CDH4: variants seen among roughly 807,000 people sequenced by gnomAD.
CDH4 encodes cadherin 4, also known as cadherin-4.
CDH4 carries 33 observed loss-of-function variants against 86.0 expected under a neutral mutation model. The ratio of observed to expected loss-of-function variants is 0.38; its 90% CI spans 0.29 to 0.51. The LOEUF (loss-of-function observed/expected upper bound fraction) is 0.51, where lower values mean the gene tolerates loss of function less well. Among genes scored for constraint, CDH4 ranks in the 20% least tolerant of loss-of-function variants. The probability of loss-of-function intolerance (pLI) is 0.86; values close to 1 mark genes in which losing one functional copy is unlikely to be tolerated. For synonymous variants in CDH4, 555 were observed against 549.4 expected, an observed-to-expected ratio of 1.01 and a Z score of -0.14; for missense variants, 1,114 against 1,307.4, an observed-to-expected ratio of 0.85 and a Z score of 2.28.
At chr20:61,837,960 A>T (rs889449084) in intron 4 of CDH4, among the ~76,000 whole-genome samples, 4 of 151,482 alleles carry the variant, frequency 2.6e-5, no homozygotes, top group African/African-American at 9.7e-5. Context: ...CCTCGTGCAG[A>T]GGCTCCCACA....
chr20:61,543,600 G>A (rs888212761), intron 2 of CDH4, among the ~76,000 whole-genome samples: 1 of 152,146 alleles, frequency 6.6e-6, no homozygotes, highest in Admixed American at 6.5e-5. Flanking sequence ...AATAATAATA[G>A]CAACAAAGCT....
chr20:61,610,438 C>A (rs1432688793), intron 2 of CDH4, among the ~76,000 whole-genome samples: 1 of 152,214 alleles, frequency 6.6e-6, no homozygotes, highest in African/African-American at 2.4e-5. Context: ...TTAGCTATTA[C>A]AAATGCAGCT....
At chr20:61,624,813 G>T (rs1228470781) in intron 2 of CDH4, among the ~76,000 whole-genome samples, 1 of 152,200 alleles carries the variant, frequency 6.6e-6, no homozygotes, top group Non-Finnish European at 1.5e-5. Flanking sequence ...GCTCTAGGGA[G>T]CCGACGCTGG....
intron 4 of CDH4, among the ~76,000 whole-genome samples, chr20:61,808,025 C>G (rs572065388): frequency 6.6e-6 from 1 of 152,302 alleles, no homozygotes; most frequent in Non-Finnish European, 1.5e-5. Context: ...TAATCCAGCT[C>G]CTGGGAATCC....
chr20:61,674,401 AG>A (rs1429444693), intron 2 of CDH4, among the ~76,000 whole-genome samples: 2 of 152,324 alleles, frequency 1.3e-5, no homozygotes, highest in East Asian at 3.9e-4. Flanking sequence ...GGCATTAACT[AG>A]AAGGCTGGGA....
rs755960284 is a variant in CDH4, at chr20:61,377,832, C to T, written c.169+122895C>T. ...GTCCTTAGAAGGCTGGAGGCCTGTC[C>T]TCTGTAGCAGAAGGGAGATCAATGC... On this transcript the variant is annotated intron_variant, in intron 2 of 15. Coordinates refer to ENST00000614565, the MANE Select transcript of CDH4 (RefSeq NM_001794.5). This position sits in a 1 kb window ranked among gnomAD's most constrained non-coding sequence, Gnocchi z 4.0. Among the ~76,000 whole-genome samples the T allele has an allele frequency of 1.3e-5, 2 of 152,238 alleles. No homozygotes were observed. Among genetic ancestry groups the T allele is most frequent in the Non-Finnish European group, 2.9e-5 (2 of 68,054 alleles).
chr20:61,606,399 C>T (rs2086645874), intron 2 of CDH4, among the ~76,000 whole-genome samples: 1 of 152,216 alleles, frequency 6.6e-6, no homozygotes, highest in Non-Finnish European at 1.5e-5. Flanking sequence ...CAGAGTCACA[C>T]AGCAGGTCAA....
intron 6 of CDH4, among the ~76,000 whole-genome samples, chr20:61,863,657 A>G (rs1983424155): frequency 6.6e-6 from 1 of 152,174 alleles, no homozygotes; most frequent in Non-Finnish European, 1.5e-5. Flanking sequence ...ACGGGGATCC[A>G]GGTTCCCACT....
intron 2 of CDH4, among the ~76,000 whole-genome samples, chr20:61,692,890 A>T (rs1444153027): frequency 6.7e-6 from 1 of 149,170 alleles, no homozygotes; most frequent in Non-Finnish European, 1.5e-5. Flanking sequence ...GCCCGTGTGG[A>T]TATTGGTCAA....
chr20:61,542,206 C>T (rs1422486953), intron 2 of CDH4, among the ~76,000 whole-genome samples: 1 of 152,144 alleles, frequency 6.6e-6, no homozygotes, highest in Non-Finnish European at 1.5e-5. Context: ...AAACCCACCC[C>T]ATCCTGACTG....
chr20:61,770,235 G>A (rs4925279), intron 3 of CDH4, among the ~76,000 whole-genome samples: 1 of 152,206 alleles, frequency 6.6e-6, no homozygotes, highest in Non-Finnish European at 1.5e-5. Context: ...TCTAAGGAAG[G>A]CTGGGAGCGC....
At chr20:61,546,915 A>G (rs906608863) in intron 2 of CDH4, among the ~76,000 whole-genome samples, 1 of 152,148 alleles carries the variant, frequency 6.6e-6, no homozygotes, top group African/African-American at 2.4e-5. Flanking sequence ...GGAGGCAGGC[A>G]TCTCTTCTTC....
chr20:61,809,548 A>G (rs188154753), intron 4 of CDH4, among the ~76,000 whole-genome samples: 1 of 152,336 alleles, frequency 6.6e-6, no homozygotes, highest in Non-Finnish European at 1.5e-5. Flanking sequence ...CACGGGACTA[A>G]TGAGTGTTCA....
intron 2 of CDH4, among the ~76,000 whole-genome samples, chr20:61,619,672 T>C (rs1409376341): frequency 6.6e-6 from 1 of 152,138 alleles, no homozygotes; most frequent in African/African-American, 2.4e-5. Context: ...CAGCATTCAA[T>C]TTGGGGTGGT....
intron 3 of CDH4, among the ~76,000 whole-genome samples, chr20:61,745,593 G>A (rs780955352): frequency 2.0e-5 from 3 of 151,400 alleles, no homozygotes; most frequent in Non-Finnish European, 4.4e-5. Flanking sequence ...GAGTCCTGAC[G>A]AGTCTAGGAC....
At chr20:61,445,471 T>A (rs1600687184) in intron 2 of CDH4, among the ~76,000 whole-genome samples, 1 of 151,852 alleles carries the variant, frequency 6.6e-6, no homozygotes, top group Non-Finnish European at 1.5e-5. Flanking sequence ...GGCATGGGAG[T>A]GCAGATGATA....
chr20:61,617,437 C>T (rs2086734219), intron 2 of CDH4, among the ~76,000 whole-genome samples: 1 of 152,214 alleles, frequency 6.6e-6, no homozygotes, highest in Admixed American at 6.5e-5. Flanking sequence ...GACAGCCATC[C>T]CACAGGCTGG....
At chr20:61,803,034 C>T (rs1979915347) in intron 4 of CDH4, among the ~76,000 whole-genome samples, 1 of 152,232 alleles carries the variant, frequency 6.6e-6, no homozygotes, top group African/African-American at 2.4e-5. Context: ...GATTTACCAA[C>T]AGGTCTGGAC....
intron 2 of CDH4, among the ~76,000 whole-genome samples, chr20:61,301,343 G>A (rs927751881): frequency 2.0e-5 from 3 of 152,206 alleles, no homozygotes; most frequent in Non-Finnish European, 2.9e-5. Context: ...CTGCCCATAT[G>A]TTGGCCATTT....
Sources: gnomAD v4.1 joint callset for allele counts (sites outside exome capture counted in the v4.1 genomes callset) on GRCh38, gnomAD v4.1.1 for gene constraint, Gnocchi (gnomAD v3.1) non-coding constraint, MANE v1.5 for transcripts, NCBI Gene and HGNC (gene_info 2026-07-23, HGNC 2026-07-21) for gene names.